DYNLT3: variants seen among roughly 807,000 people sequenced by gnomAD.
The protein encoded by DYNLT3 is protein 91/23.
In DYNLT3, 4 loss-of-function variants were observed where a neutral mutation model predicts 11.0. The ratio of observed to expected loss-of-function variants is 0.36; its 90% CI spans 0.18 to 0.83. The LOEUF is 0.83. DYNLT3 is among the 40% of genes least tolerant of loss of function. The probability of loss-of-function intolerance (pLI) is 0.47; values close to 1 mark genes in which losing one functional copy is unlikely to be tolerated. For synonymous variants in DYNLT3, 37 were observed against 31.2 expected (o/e 1.18, Z -0.61); for missense variants, 91 against 91.1 (o/e 1.00, Z 0.01).
rs1569481812 is a variant in DYNLT3, at chrX:37,840,749, TATACAC to T, written c.275-104_275-99del. 19 of 393,244 alleles carry T rather than the reference TATACAC, an allele frequency of 4.8e-5. No homozygotes were observed. The South Asian group carries it at 5.9e-4, about 12-fold the overall frequency. 32.4% of individuals were successfully genotyped at this position (393,244 alleles called of 1,213,427 possible). A position where few individuals can be genotyped will look rare whatever the true frequency, so the allele number is the denominator to read the frequency against. The stretch of plus-strand genomic sequence containing the variant: ...ACACACACACACACACACACACACA[TATACAC>T]ACACACACACACACACACACACACA... On this transcript the variant is annotated intron_variant, in intron 4 of 4. Coordinates refer to ENST00000378578, the MANE Select transcript of DYNLT3 (RefSeq NM_006520.3).
At chrX:37,841,639 T>C (rs1006114831) in intron 3 of DYNLT3, 143 bp downstream of exon 3, 2 of 603,240 alleles carry the variant, frequency 3.3e-6, no homozygotes, top group Non-Finnish European at 4.5e-6. Flanking sequence ...TTATAGATTA[T>C]CTTTGAATGA....
chrX:37,845,061 C>T (rs1796209531), intron 2 of DYNLT3, among the ~76,000 whole-genome samples: 1 of 111,875 alleles, frequency 8.9e-6, no homozygotes, highest in African/African-American at 3.3e-5. Flanking sequence ...TTCCATCAAC[C>T]AAGGACAGTC....
chrX:37,844,152 T>C (rs1262912337), intron 2 of DYNLT3, among the ~76,000 whole-genome samples: 1 of 112,469 alleles, frequency 8.9e-6, no homozygotes, highest in East Asian at 2.8e-4. Context: ...CAAGAAAAAC[T>C]GATGTTCTAA....
In DYNLT3 at chrX:37,841,820, G is replaced by A. The variant is rs760584132; in HGVS notation, c.158C>T (p.Thr53Ile). 8.5e-7 allele frequency: 1 copy of A among 1,180,253 alleles called. No individual in the cohort carries two copies. Among genetic ancestry groups the A allele is most frequent in the South Asian group, 1.9e-5 (1 of 52,468 alleles). The change falls in exon 3 of 5, where the codon ACA becomes ATA. Residue 53 changes from threonine to isoleucine, a missense_variant. Coordinates refer to ENST00000378578, the MANE Select transcript of DYNLT3 (RefSeq NM_006520.3). ...GGCTTTTCCCAACTTAACCAGGTGT[G>A]TTAAGGATTGTTCCACTATGCTTGC... ...WTASIVEQSL[T>I]HLVKLGKAYK... is the part of the protein sequence containing the mutation.
intron 1 of DYNLT3, chrX:37,846,943 G>C (rs1278859875): frequency 9.1e-7 from 1 of 1,102,566 alleles, no homozygotes; most frequent in Non-Finnish European, 1.2e-6. Context: ...GATAACAACT[G>C]ACATCATGGG....
rs1253450429 is a variant in DYNLT3 at position 37,839,956 on chromosome X, A to AAT, written c.*618_*619insAT. ...TAGGAAATTCAGTTTACCAGATTTA[A>AAT]TTTACCCTCAAGTGTAAATCCAAAA... On this transcript the variant is annotated 3_prime_UTR_variant, in exon 5 of 5. Coordinates refer to ENST00000378578, the MANE Select transcript of DYNLT3 (RefSeq NM_006520.3). The AAT allele has an allele frequency of 4.5e-5, 5 of 112,355 alleles. 1 individual carries two copies. The highest frequency in any genetic ancestry group is 9.7e-5 in the African/African-American group (3 of 30,891). The allele number at this position is 112,355 out of a possible 1,213,427, so 9.3% of individuals were successfully genotyped here. A position where few individuals can be genotyped will look rare whatever the true frequency, so the allele number is the denominator to read the frequency against.
chrX:37,844,075 TTTG>T (rs1336356497), intron 2 of DYNLT3, among the ~76,000 whole-genome samples: 1 of 111,866 alleles, frequency 8.9e-6, no homozygotes, highest in Non-Finnish European at 1.9e-5. Context: ...TGCATCAGAG[TTTG>T]TTTTTATTCA....
At chrX:37,841,963 T>C in intron 2 of DYNLT3, 58 bp from the exon 3 acceptor site, 1 of 998,872 alleles carries the variant, frequency 1.0e-6, no homozygotes, top group Non-Finnish European at 1.3e-6. Context: ...AAAGAACAAT[T>C]TTTACACAAA....
chrX:37,846,081 G>C (rs1345726574), intron 2 of DYNLT3, among the ~76,000 whole-genome samples: 1 of 112,104 alleles, frequency 8.9e-6, no homozygotes, highest in African/African-American at 3.2e-5. Flanking sequence ...TGAGACAGGA[G>C]AATTGCTTGA....
At chrX:37,845,079 A>T (rs955948561) in intron 2 of DYNLT3, among the ~76,000 whole-genome samples, 2 of 111,807 alleles carry the variant, frequency 1.8e-5, no homozygotes, top group Non-Finnish European at 3.8e-5. Context: ...GTCTTTCCTG[A>T]CTTGCCACTT....
chrX:37,839,970 G>A lies in DYNLT3; in HGVS notation c.*605C>T, dbSNP rs779884249. On this transcript the variant is annotated 3_prime_UTR_variant, in exon 5 of 5. Coordinates refer to ENST00000378578, the MANE Select transcript of DYNLT3 (RefSeq NM_006520.3). ...TACCAGATTTAATTTACCCTCAAGT[G>A]TAAATCCAAAAATTTGAAATTAAAA... 8.9e-6 allele frequency: 1 copy of A among 111,755 alleles called. No individual in the cohort carries two copies. Among genetic ancestry groups the A allele is most frequent in the South Asian group, 3.7e-4 (1 of 2,710 alleles). 9.2% of individuals were successfully genotyped at this position (111,755 alleles called of 1,213,427 possible). A position where few individuals can be genotyped will look rare whatever the true frequency, so the allele number is the denominator to read the frequency against.
In DYNLT3 at chrX:37,840,536, T is replaced by C. The variant is rs1158203606; in HGVS notation, c.*39A>G. The C allele has an allele frequency of 4.4e-6, 5 of 1,135,199 alleles. No homozygotes were observed. Among genetic ancestry groups the C allele is most frequent in the Non-Finnish European group, 4.7e-6 (4 of 846,992 alleles). The allele number at this position is 1,135,199 out of a possible 1,213,427, so 93.6% of individuals were successfully genotyped here. A position where few individuals can be genotyped will look rare whatever the true frequency, so the allele number is the denominator to read the frequency against. ...TTTTTGGAAAGGATACACTGACAAA[T>C]TCTTAAGTTAATGGCTTTAGCCCAA... is the stretch of plus-strand genomic sequence containing the variant. On this transcript the variant is annotated 3_prime_UTR_variant, in exon 5 of 5. Coordinates refer to ENST00000378578, the MANE Select transcript of DYNLT3 (RefSeq NM_006520.3).
chrX:37,840,608 A>C lies in DYNLT3; in HGVS notation c.318T>G (p.Ile106Met). The change falls in exon 5 of 5, where the codon ATT becomes ATG. Residue 106 changes from isoleucine to methionine, a missense_variant. Physicochemically the swap from Ile to Met is conservative, Grantham distance 10 (BLOSUM62 1). Coordinates refer to ENST00000378578, the MANE Select transcript of DYNLT3 (RefSeq NM_006520.3). ...CAATAGCAATGGCAAAAACGTTGACAATACAGTTCATGGTCCGGTTCTCCC... is the reference window on the plus strand; with the variant it reads ...CAATAGCAATGGCAAAAACGTTGACCATACAGTTCATGGTCCGGTTCTCCC... Reference protein sequence around the residue: ...VRWENRTMNCIVNVFAIAIVL With the variant: ...VRWENRTMNCMVNVFAIAIVL The C allele has an allele frequency of 8.3e-7, 1 of 1,205,766 alleles. No homozygotes were observed. Among genetic ancestry groups the C allele is most frequent in the Non-Finnish European group, 1.1e-6 (1 of 892,942 alleles).
intron 2 of DYNLT3, 64 bp from the exon 3 acceptor site, chrX:37,841,969 A>G: frequency 1.0e-6 from 1 of 974,355 alleles, no homozygotes; most frequent in South Asian, 4.0e-5. Context: ...CAATTTTTAC[A>G]CAAATTGCAG....
rs201401994 is a variant in DYNLT3 at position 37,847,556 on chromosome X, A to G, written c.-46T>C. On this transcript the variant is annotated 5_prime_UTR_variant, in exon 1 of 5. Transcript: ENST00000378578. ...GGGCGGAGCGACACGCCGGTAGAGC[A>G]CCGCGGCCGCGCACTGGCCTCCGGG... The G allele has an allele frequency of 1.3e-5, 12 of 957,756 alleles. No individual in the cohort carries two copies. The East Asian group carries it at 2.9e-4, about 23-fold the overall frequency. The allele number at this position is 957,756 out of a possible 1,213,427, so 78.9% of individuals were successfully genotyped here. A position where few individuals can be genotyped will look rare whatever the true frequency, so the allele number is the denominator to read the frequency against.
chrX:37,843,260 C>T (rs1420255037), intron 2 of DYNLT3, among the ~76,000 whole-genome samples: 1 of 112,113 alleles, frequency 8.9e-6, no homozygotes, highest in African/African-American at 3.2e-5. Context: ...AGCTGGTGAC[C>T]TTTGGACAAA....
At chrX:37,845,647 C>T (rs1036734411) in intron 2 of DYNLT3, among the ~76,000 whole-genome samples, 21 of 111,941 alleles carry the variant, frequency 1.9e-4, no homozygotes, top group African/African-American at 5.8e-4. Context: ...TAAAAGTTGA[C>T]GTGTGTACAT....
chrX:37,840,521 G>T lies in DYNLT3; in HGVS notation c.*54C>A, dbSNP rs141740428. On this transcript the variant is annotated 3_prime_UTR_variant, in exon 5 of 5. Transcript: ENST00000378578. ...AAACAACTATTACTCTTTTTGGAAAGGATACACTGACAAATTCTTAAGTTA... is the reference window on the plus strand; with the variant it reads ...AAACAACTATTACTCTTTTTGGAAATGATACACTGACAAATTCTTAAGTTA... 813 of 1,076,229 alleles carry T rather than the reference G, an allele frequency of 7.6e-4. 3 individuals carry two copies. In the African/African-American group the frequency reaches 0.014, roughly 19 times the overall value. 88.7% of individuals were successfully genotyped at this position (1,076,229 alleles called of 1,213,427 possible). A position where few individuals can be genotyped will look rare whatever the true frequency, so the allele number is the denominator to read the frequency against.
At chrX:37,840,783 CACACACATATAT>C (rs1443044675) in intron 4 of DYNLT3, 132 bp from the exon 5 acceptor site, 2 of 394,207 alleles carry the variant, frequency 5.1e-6, no homozygotes, top group Admixed American at 5.0e-5. Flanking sequence ...CACACACACA[CACACACATATAT>C]ATATATATAT....
Sources: gnomAD v4.1 joint callset for allele counts (sites outside exome capture counted in the v4.1 genomes callset) on GRCh38, gnomAD v4.1.1 for gene constraint, MANE v1.5 for transcripts, NCBI Gene and HGNC (gene_info 2026-07-23, HGNC 2026-07-21) for gene names.